The following ILRUN variants were observed in gnomAD, a reference collection of about 807,000 sequenced individuals.
ILRUN encodes protein ILRUN.
A neutral mutation model predicts 33.8 loss-of-function variants in ILRUN; 3 were observed. The observed-to-expected ratio is 0.09, with a 90% CI of 0.04 to 0.23. The LOEUF (loss-of-function observed/expected upper bound fraction) is 0.23, where lower values mean the gene tolerates loss of function less well. ILRUN is among the 10% of genes least tolerant of loss of function. The pLI is 1.00. For missense variants in ILRUN, 210 were observed against 375.1 expected, an observed-to-expected ratio of 0.56 and a Z score of 3.64; for synonymous variants, 124 against 138.9, an observed-to-expected ratio of 0.89 and a Z score of 0.75.
chr6:34,666,297 T>C (rs1163598907), intron 1 of ILRUN, among the ~76,000 whole-genome samples: 1 of 152,198 alleles, frequency 6.6e-6, no homozygotes, highest in East Asian at 1.9e-4. Flanking sequence ...TGGTGGCTCA[T>C]GCCTGTAATC....
chr6:34,650,917 C>T (rs1222108938), intron 2 of ILRUN, among the ~76,000 whole-genome samples: 1 of 152,066 alleles, frequency 6.6e-6, no homozygotes, highest in African/African-American at 2.4e-5. Context: ...ATTTATGTAG[C>T]TCTTTCAGTG....
In ILRUN at chr6:34,606,604, A is replaced by C. The variant is rs764543291; in HGVS notation, c.812T>G (p.Leu271Arg). The C allele has an allele frequency of 1.9e-6, 3 of 1,614,146 alleles. No homozygotes were observed. The highest frequency in any genetic ancestry group is 2.5e-6 in the Non-Finnish European group (3 of 1,180,018). Residue 271 changes from leucine (L) to arginine (R), a missense_variant, in exon 4 of 5, where the codon CTG becomes CGG. Coordinates refer to ENST00000374023, the MANE Select transcript of ILRUN (RefSeq NM_024294.4). ...QNRLSQNSVN[L>R]SPSSHANNLS... ...GTTGTTTGCGTGACTGCTGGGAGACAGATTTACAGAGTTCTGTGACAGTCT... is the reference window on the plus strand; with the variant it reads ...GTTGTTTGCGTGACTGCTGGGAGACCGATTTACAGAGTTCTGTGACAGTCT...
intron 3 of ILRUN, among the ~76,000 whole-genome samples, chr6:34,611,779 TA>T (rs1761759424): frequency 6.6e-6 from 1 of 152,152 alleles, no homozygotes; most frequent in Admixed American, 6.5e-5. Context: ...AGTCTAGAGG[TA>T]AAAGTGATGA....
chr6:34,685,315 T>C, intron 1 of ILRUN: 1 of 151,988 alleles, frequency 6.6e-6, no homozygotes, highest in East Asian at 1.9e-4. Flanking sequence ...TGACCTTTTA[T>C]TATTTTTATT....
At chr6:34,695,820 TCAA>T (rs1029766993) in intron 1 of ILRUN, among the ~76,000 whole-genome samples, 1 of 151,882 alleles carries the variant, frequency 6.6e-6, no homozygotes, top group Non-Finnish European at 1.5e-5. Flanking sequence ...GGCATAACTC[TCAA>T]GAAAGTCATC....
intron 1 of ILRUN, among the ~76,000 whole-genome samples, chr6:34,695,044 C>A (rs1401400897): frequency 8.5e-6 from 1 of 117,400 alleles, no homozygotes; most frequent in Admixed American, 9.0e-5. Flanking sequence ...GAGCGAGACT[C>A]CGTCTCAAAA....
rs182579720 is a variant in ILRUN, at chr6:34,628,191, T to C, written c.511+18410A>G. Among the ~76,000 whole-genome samples, 9 of 151,152 alleles carry C rather than the reference T, an allele frequency of 6.0e-5. No homozygotes were observed. The East Asian group carries it at 1.4e-3, about 23-fold the overall frequency. The stretch of plus-strand genomic sequence containing the variant: ...ACACACCACTGTGCCCCGCTAATTT[T>C]TGTATTTTTAGTAGAGACGAGGTTT... On this transcript the variant is annotated intron_variant, in intron 3 of 4. Transcript: ENST00000374023.
chr6:34,692,287 G>C (rs192894837), intron 1 of ILRUN, among the ~76,000 whole-genome samples: 64 of 152,140 alleles, frequency 4.2e-4, no homozygotes, highest in Admixed American at 4.2e-3. Context: ...GAAGACTCAG[G>C]GTCTTCGCTT....
intron 1 of ILRUN, among the ~76,000 whole-genome samples, chr6:34,666,983 C>T (rs151177210): frequency 3.4e-4 from 52 of 152,050 alleles, no homozygotes; most frequent in Non-Finnish European, 6.2e-4. Flanking sequence ...TAATTATCAC[C>T]AGTAAAATTA....
chr6:34,666,977 T>C (rs1455892074), intron 1 of ILRUN, among the ~76,000 whole-genome samples: 1 of 152,122 alleles, frequency 6.6e-6, no homozygotes, highest in Non-Finnish European at 1.5e-5. Context: ...ACTGCGTAAT[T>C]ATCACCAGTA....
At chr6:34,675,019 G>A (rs1009989604) in intron 1 of ILRUN, among the ~76,000 whole-genome samples, 3 of 152,110 alleles carry the variant, frequency 2.0e-5, no homozygotes, top group Non-Finnish European at 4.4e-5. Flanking sequence ...AGTGGCTCAC[G>A]CAAGTAATCC....
At chr6:34,671,509 GTATAA>G (rs1480274453) in intron 1 of ILRUN, among the ~76,000 whole-genome samples, 1 of 152,228 alleles carries the variant, frequency 6.6e-6, no homozygotes, top group South Asian at 2.1e-4. Context: ...AAAGTTATCT[GTATAA>G]TATATGTGGC....
intron 1 of ILRUN, among the ~76,000 whole-genome samples, chr6:34,683,487 CATAT>C (rs1229592329): frequency 1.2e-5 from 1 of 81,884 alleles, no homozygotes; most frequent in Non-Finnish European, 2.1e-5. Flanking sequence ...TATATATATA[CATAT>C]ATATATACAT....
At chr6:34,611,077 T>C (rs1582042294) in intron 3 of ILRUN, among the ~76,000 whole-genome samples, 1 of 143,356 alleles carries the variant, frequency 7.0e-6, no homozygotes, top group Non-Finnish European at 1.5e-5. Context: ...CCCTCTCCTT[T>C]CCTTTCTTTC....
intron 2 of ILRUN, among the ~76,000 whole-genome samples, chr6:34,650,393 TTTTA>T (rs1240463602): frequency 8.3e-4 from 123 of 148,338 alleles, no homozygotes; most frequent in African/African-American, 1.9e-3. Context: ...AGGAGCTTAA[TTTTA>T]TTTATTTATT....
chr6:34,608,619 G>C (rs1168710711), intron 3 of ILRUN, among the ~76,000 whole-genome samples: 1 of 152,056 alleles, frequency 6.6e-6, no homozygotes, highest in East Asian at 1.9e-4. Flanking sequence ...ACAATGTTAT[G>C]GAAGCTACAG....
At chr6:34,594,524 T>A (rs1156924861) in intron 4 of ILRUN, among the ~76,000 whole-genome samples, 1 of 152,214 alleles carries the variant, frequency 6.6e-6, no homozygotes, top group South Asian at 2.1e-4. Flanking sequence ...AAAGGCTACA[T>A]TGAACAGCCC....
chr6:34,653,591 AT>A (rs1336051619), intron 2 of ILRUN, among the ~76,000 whole-genome samples: 1 of 151,960 alleles, frequency 6.6e-6, no homozygotes, highest in African/African-American at 2.4e-5. Flanking sequence ...TTTTTCTTGT[AT>A]TTTTTTCTTT....
intron 1 of ILRUN, among the ~76,000 whole-genome samples, chr6:34,662,032 G>A: frequency 6.7e-6 from 1 of 149,704 alleles, no homozygotes; most frequent in Non-Finnish European, 1.5e-5. Context: ...GGCTGAGGCA[G>A]GAGAATGGCG....
Sources: allele counts gnomAD v4.1 joint callset (sites outside exome capture counted in the v4.1 genomes callset), GRCh38; gene constraint gnomAD v4.1.1; transcripts MANE v1.5; gene names NCBI Gene and HGNC (gene_info 2026-07-23, HGNC 2026-07-21).